Variants in ARID4B observed in about 807,000 individuals in gnomAD.
ARID4B encodes AT-rich interaction domain 4B.
Under a neutral mutation model 147.5 loss-of-function variants are expected in ARID4B, and 26 were observed. The ratio of observed to expected loss-of-function variants is 0.18; its 90% CI spans 0.13 to 0.24. The LOEUF (loss-of-function observed/expected upper bound fraction) is 0.24, where lower values mean the gene tolerates loss of function less well. Ranked by LOEUF, ARID4B falls within the 10% of genes least tolerant of loss-of-function variation. ARID4B has a pLI of 1.00. For synonymous variants in ARID4B, 512 were observed against 507.9 expected, an observed-to-expected ratio of 1.01 and a Z score of -0.11; for missense variants, 1,179 against 1,511.5, an observed-to-expected ratio of 0.78 and a Z score of 3.65.
chr1:235,238,819 C>T (rs1218481055), intron 8 of ARID4B, among the ~76,000 whole-genome samples: 2 of 151,196 alleles, frequency 1.3e-5, no homozygotes, highest in South Asian at 2.1e-4. Flanking sequence ...CACACCACTG[C>T]ACTCTAACCT....
rs71172286 is a variant in ARID4B at position 235,286,044 on chromosome 1, G to GGTTTTGTTTTGTTTT, written c.7-25307_7-25293dup. Among the ~76,000 whole-genome samples, 219 of 138,602 alleles carry GGTTTTGTTTTGTTTT rather than the reference G, an allele frequency of 1.6e-3. 1 individual carries two copies. The highest frequency in any genetic ancestry group is 5.3e-3 in the South Asian group (25 of 4,692). 90.9% of individuals were successfully genotyped at this position (138,602 alleles called of 152,430 possible). A position where few individuals can be genotyped will look rare whatever the true frequency, so the allele number is the denominator to read the frequency against. On this transcript the variant is annotated intron_variant, in intron 2 of 23. Coordinates refer to ENST00000264183, the MANE Select transcript of ARID4B (RefSeq NM_016374.6). ...TTCACACATTTGTTTCTGGCTTTTG[G>GGTTTTGTTTTGTTTT]GTTTTGTTTTGTTTTGTTTTGAGAT... is the stretch of plus-strand genomic sequence containing the variant.
intron 11 of ARID4B, among the ~76,000 whole-genome samples, chr1:235,225,098 A>G (rs1050510233): frequency 6.6e-6 from 1 of 152,068 alleles, no homozygotes; most frequent in Non-Finnish European, 1.5e-5. Flanking sequence ...TGAGAGAGCT[A>G]TTTTTCAAAT....
intron 2 of ARID4B, chr1:235,296,167 T>C (rs115320281): frequency 0.024 from 4,039 of 166,162 alleles, 78 homozygotes; most frequent in Non-Finnish European, 0.035. Flanking sequence ...CATTCTTGTG[T>C]TCACTGTGGA....
At position 235,181,899 on chromosome 1, in the gene ARID4B, C is replaced by T; in HGVS notation, c.3020G>A (p.Arg1007Lys). The T allele has an allele frequency of 6.2e-7, 1 of 1,614,190 alleles. No homozygotes were observed. Residue 1007 changes from arginine to lysine, a missense_variant, in exon 20 of 24, where the codon AGA (arginine) becomes AAA (lysine). Around this residue, in one of 10 missense-constraint regions of ARID4B, gnomAD observed 357 missense variants for 427.3 expected, o/e 0.84. Coordinates refer to ENST00000264183, the MANE Select transcript of ARID4B (RefSeq NM_016374.6). The part of the protein sequence containing the change: ...IEEKTVEVND[R>K]KAEFPSSGSN... ...GCCACTACTTGGAAATTCTGCTTTT[C>T]TGTCATTGACCTCTACTGTTTTTTC... is the stretch of plus-strand genomic sequence containing the variant.
intron 2 of ARID4B, among the ~76,000 whole-genome samples, chr1:235,314,755 A>T (rs544125190): frequency 6.6e-6 from 1 of 152,228 alleles, no homozygotes; most frequent in South Asian, 2.1e-4. Flanking sequence ...AATATATATA[A>T]CATTTTACTA....
Position 235,293,178 on chromosome 1 carries a change from C to T in ARID4B, c.7-32426G>A, listed in dbSNP as rs868104875. On this transcript the variant is annotated intron_variant, in intron 2 of 23. Coordinates refer to ENST00000264183, the MANE Select transcript of ARID4B (RefSeq NM_016374.6). ...GGTGCTGCTATCCTCAGTACCGAAG[C>T]GCAGTAACTAAAGATCAACATCACA... is the stretch of plus-strand genomic sequence containing the variant. 3.3e-5 allele frequency among the ~76,000 whole-genome samples: 5 copies of T among 152,204 alleles called. No individual in the cohort carries two copies. In the South Asian group the frequency reaches 6.2e-4, roughly 19 times the overall value.
At chr1:235,229,165 C>G in intron 11 of ARID4B, 66 bp downstream of exon 11, 4 of 1,549,654 alleles carry the variant, frequency 2.6e-6, no homozygotes, top group Non-Finnish European at 3.5e-6. Context: ...AATGCCAAAT[C>G]CTAACCCACA....
intron 20 of ARID4B, among the ~76,000 whole-genome samples, chr1:235,179,172 G>C (rs1285344011): frequency 6.6e-6 from 1 of 152,108 alleles, no homozygotes; most frequent in Non-Finnish European, 1.5e-5. Context: ...TTGTGATATA[G>C]TGGGGAGTCT....
intron 16 of ARID4B, among the ~76,000 whole-genome samples, chr1:235,219,228 ATG>A (rs1468257622): frequency 1.3e-5 from 2 of 152,078 alleles, no homozygotes; most frequent in African/African-American, 4.8e-5. Context: ...AGATATGTTT[ATG>A]TTTTTTAAGC....
At chr1:235,223,832 T>C (rs1667662941) in intron 12 of ARID4B, among the ~76,000 whole-genome samples, 1 of 152,084 alleles carries the variant, frequency 6.6e-6, no homozygotes, top group Non-Finnish European at 1.5e-5. Context: ...ACTGGCTTAA[T>C]CATATTTTTT....
At chr1:235,244,109 G>T (rs188512059) in intron 7 of ARID4B, among the ~76,000 whole-genome samples, 138 of 152,234 alleles carry the variant, frequency 9.1e-4, no homozygotes, top group African/African-American at 3.0e-3. Context: ...GTTCAGATCT[G>T]CAGGCCTGTA....
chr1:235,324,586 T>C (rs1044387012), intron 2 of ARID4B, among the ~76,000 whole-genome samples: 1 of 152,232 alleles, frequency 6.6e-6, no homozygotes, highest in Non-Finnish European at 1.5e-5. Context: ...AGTACAAATA[T>C]GTTTGGTAAG....
intron 2 of ARID4B, among the ~76,000 whole-genome samples, chr1:235,265,741 G>A (rs1473753317): frequency 6.6e-6 from 1 of 151,848 alleles, no homozygotes. Context: ...TCCTAAACTA[G>A]ATGCCTAGCT....
chr1:235,214,514 G>A (rs1666926400), intron 16 of ARID4B, among the ~76,000 whole-genome samples: 1 of 152,046 alleles, frequency 6.6e-6, no homozygotes, highest in African/African-American at 2.4e-5. Flanking sequence ...GGAGGCCTCA[G>A]GAAGTTTGAA....
chr1:235,267,978 C>A (rs1465439374), intron 2 of ARID4B, among the ~76,000 whole-genome samples: 1 of 152,122 alleles, frequency 6.6e-6, no homozygotes, highest in East Asian at 1.9e-4. Flanking sequence ...TTTCTTCTCT[C>A]CTTTTTCATG....
chr1:235,284,270 G>A (rs1671839232), intron 2 of ARID4B, among the ~76,000 whole-genome samples: 1 of 152,174 alleles, frequency 6.6e-6, no homozygotes, highest in African/African-American at 2.4e-5. Context: ...TGAGGCAGAA[G>A]AATCGCTTGA....
intron 20 of ARID4B, among the ~76,000 whole-genome samples, chr1:235,179,525 CAAA>C (rs61143006): frequency 8.3e-5 from 4 of 48,366 alleles, no homozygotes; most frequent in Non-Finnish European, 1.3e-4. Flanking sequence ...CTCTATGTCT[CAAA>C]AAAAAAAAAA....
At chr1:235,171,885 A>T (rs1374284460) in intron 23 of ARID4B, among the ~76,000 whole-genome samples, 1 of 151,802 alleles carries the variant, frequency 6.6e-6, no homozygotes, top group East Asian at 1.9e-4. Context: ...CAGGCAATCC[A>T]CCCACCGCAG....
intron 19 of ARID4B, among the ~76,000 whole-genome samples, 157 bp downstream of exon 19, chr1:235,193,856 A>G (rs1665292857): frequency 6.6e-6 from 1 of 152,246 alleles, no homozygotes; most frequent in Non-Finnish European, 1.5e-5. Flanking sequence ...TCTGGTTCCA[A>G]GAATTTCAGT....
Sources: allele counts gnomAD v4.1 joint callset (sites outside exome capture counted in the v4.1 genomes callset), GRCh38; gene constraint gnomAD v4.1.1; regional missense constraint gnomAD v4.1.1; transcripts MANE v1.5; gene names NCBI Gene and HGNC (gene_info 2026-07-23, HGNC 2026-07-21).